Variants in DLEU7 observed in about 807,000 individuals in gnomAD.
DLEU7 encodes deleted in lymphocytic leukemia 7, also known as leukemia-associated protein 7.
DLEU7 carries 17 observed loss-of-function variants against 16.0 expected under a neutral mutation model. The observed-to-expected ratio is 1.06, with a 90% CI of 0.73 to 1.59. The LOEUF (loss-of-function observed/expected upper bound fraction) is 1.59. Among genes scored for constraint, DLEU7 ranks in the 40% most tolerant of loss-of-function variants. The pLI is 0.00. For synonymous variants in DLEU7, 113 were observed against 139.8 expected, an observed-to-expected ratio of 0.81 and a Z score of 1.35; for missense variants, 308 against 314.9, an observed-to-expected ratio of 0.98 and a Z score of 0.17.
At chr13:50,796,382 G>A (rs560390230) in intron 1 of DLEU7, among the ~76,000 whole-genome samples, 1 of 152,256 alleles carries the variant, frequency 6.6e-6, no homozygotes, top group East Asian at 1.9e-4. Flanking sequence ...GCCTCCAAGT[G>A]ACTCACAGGT....
At chr13:50,827,917 C>G (rs1455803985) in intron 1 of DLEU7, among the ~76,000 whole-genome samples, 1 of 151,942 alleles carries the variant, frequency 6.6e-6, no homozygotes, top group African/African-American at 2.4e-5. Context: ...AAATCTAAAA[C>G]CACATAAAGA....
chr13:50,740,751 A>G (rs1257341672), intron 1 of DLEU7, among the ~76,000 whole-genome samples: 1 of 152,202 alleles, frequency 6.6e-6, no homozygotes. Context: ...AATGAACCAA[A>G]GCAAAAATGC....
At chr13:50,810,463 A>T (rs1876533222) in intron 1 of DLEU7, among the ~76,000 whole-genome samples, 1 of 152,062 alleles carries the variant, frequency 6.6e-6, no homozygotes, top group South Asian at 2.1e-4. Context: ...GAATGTTTTA[A>T]TACCAAAAGG....
At chr13:50,829,652 A>T (rs1001692401) in intron 1 of DLEU7, among the ~76,000 whole-genome samples, 11 of 152,348 alleles carry the variant, frequency 7.2e-5, no homozygotes, top group African/African-American at 2.6e-4. Context: ...AAGCTTTGCA[A>T]ACTCACTTTA....
chr13:50,768,523 G>A (rs932171024), intron 1 of DLEU7, among the ~76,000 whole-genome samples: 11 of 150,142 alleles, frequency 7.3e-5, no homozygotes, highest in African/African-American at 2.7e-4. Context: ...CTATGAGTGA[G>A]AATATGCGGT....
chr13:50,770,204 A>G (rs566519615), intron 1 of DLEU7, among the ~76,000 whole-genome samples: 1 of 152,324 alleles, frequency 6.6e-6, no homozygotes, highest in South Asian at 2.1e-4. Context: ...ATATACAATC[A>G]TGTCATCTGC....
chr13:50,780,848 G>A (rs902484757), intron 1 of DLEU7, among the ~76,000 whole-genome samples: 1 of 152,100 alleles, frequency 6.6e-6, no homozygotes, highest in African/African-American at 2.4e-5. Context: ...AGAACAGGCT[G>A]GGAGTCAGTA....
chr13:50,817,709 A>G (rs1436300505), intron 1 of DLEU7, among the ~76,000 whole-genome samples: 3 of 152,152 alleles, frequency 2.0e-5, no homozygotes, highest in Admixed American at 2.0e-4. Flanking sequence ...ATGTTCTGTC[A>G]GAAGCAAGTG....
At chr13:50,814,232 GT>G (rs1425517454) in intron 1 of DLEU7, among the ~76,000 whole-genome samples, 1 of 152,026 alleles carries the variant, frequency 6.6e-6, no homozygotes, top group Non-Finnish European at 1.5e-5. Flanking sequence ...CCTCTACAAG[GT>G]AATCCAGTCT....
intron 1 of DLEU7, among the ~76,000 whole-genome samples, chr13:50,760,323 C>A (rs1482302544): frequency 1.3e-5 from 2 of 152,108 alleles, no homozygotes; most frequent in Non-Finnish European, 2.9e-5. Context: ...AATATAAGTA[C>A]TTTTAAGCAC....
Position 50,843,188 on chromosome 13 carries a change from CT to C in DLEU7, c.458del (p.Lys153ArgfsTer26). On this transcript the variant is annotated frameshift_variant and splice_region_variant, in exon 1 of 2. Coordinates refer to ENST00000504404, the MANE Select transcript of DLEU7 (RefSeq NM_001306135.2). LOFTEE classifies it high-confidence loss of function. This position sits in a 1 kb window ranked among gnomAD's most constrained non-coding sequence, Gnocchi z 5.7. The stretch of plus-strand genomic sequence containing the variant: ...AGGGGATGGCGGGGGCCAGACTCAC[CT>C]TCAGGTGAATGGGAAAGGACCGCTC... ...QQERSFPIHLKDSVEFRNICS... is the reference protein window; with the variant it reads ...QQERSFPIHLXDSVEFRNICS... The C allele has an allele frequency of 6.3e-7, 1 of 1,591,866 alleles. No homozygotes were observed. The highest frequency in any genetic ancestry group is 1.4e-5 in the African/African-American group (1 of 72,888).
At chr13:50,713,678 G>A (rs2812234) in intron 1 of DLEU7, among the ~76,000 whole-genome samples, 64,579 of 151,998 alleles carry the variant, frequency 0.42, 13,962 homozygotes, top group East Asian at 0.55. Context: ...CATCATGGAC[G>A]TATTTGTTCC....
chr13:50,761,964 G>A (rs1018520436), intron 1 of DLEU7, among the ~76,000 whole-genome samples: 6 of 151,914 alleles, frequency 3.9e-5, no homozygotes, highest in Non-Finnish European at 7.4e-5. Context: ...GCCGAGGTGG[G>A]TGGATCACAG....
intron 1 of DLEU7, among the ~76,000 whole-genome samples, chr13:50,720,434 T>C (rs1027836767): frequency 4.6e-5 from 7 of 152,206 alleles, no homozygotes; most frequent in African/African-American, 9.7e-5. Context: ...ATCTAGTGCT[T>C]TGCCTCCTGC....
At chr13:50,786,039 G>A (rs976015734) in intron 1 of DLEU7, among the ~76,000 whole-genome samples, 10 of 152,202 alleles carry the variant, frequency 6.6e-5, no homozygotes, top group Admixed American at 1.3e-4. Context: ...GGCAGCCATC[G>A]TTTTGAAGCA....
intron 1 of DLEU7, among the ~76,000 whole-genome samples, chr13:50,738,708 C>T: frequency 6.6e-6 from 1 of 151,960 alleles, no homozygotes; most frequent in East Asian, 1.9e-4. Context: ...GGAGACAGAT[C>T]CATACTTATA....
chr13:50,789,740 G>C (rs1448648590), intron 1 of DLEU7, among the ~76,000 whole-genome samples: 1 of 152,028 alleles, frequency 6.6e-6, no homozygotes, highest in Non-Finnish European at 1.5e-5. Flanking sequence ...AAATCGTTTT[G>C]TTCTAACTTT....
At chr13:50,793,945 A>G (rs1301418540) in intron 1 of DLEU7, among the ~76,000 whole-genome samples, 3 of 152,180 alleles carry the variant, frequency 2.0e-5, no homozygotes, top group South Asian at 4.1e-4. Flanking sequence ...ATGGAGAAGC[A>G]TATTTCCTAG....
At chr13:50,713,277 T>C (rs1197364263) in intron 1 of DLEU7, 10 of 1,592,684 alleles carry the variant, frequency 6.3e-6, no homozygotes, top group South Asian at 2.3e-5. Context: ...AAATGCTTGC[T>C]TTGCATTTTT....
Sources: gnomAD v4.1 joint callset for allele counts (sites outside exome capture counted in the v4.1 genomes callset) on GRCh38, gnomAD v4.1.1 for gene constraint, Gnocchi (gnomAD v3.1) non-coding constraint, MANE v1.5 for transcripts, NCBI Gene and HGNC (gene_info 2026-07-23, HGNC 2026-07-21) for gene names.